ADGRV1: variants seen among roughly 807,000 people sequenced by gnomAD.
ADGRV1 encodes the protein adhesion G protein-coupled receptor V1.
ADGRV1 carries 359 observed loss-of-function variants against 596.2 expected under a neutral mutation model. The observed-to-expected ratio is 0.60, with a 90% CI of 0.55 to 0.66. The LOEUF is 0.66. ADGRV1 is among the 30% of genes least tolerant of loss of function. The probability of loss-of-function intolerance (pLI) is 0.00; values close to 1 mark genes in which losing one functional copy is unlikely to be tolerated. For synonymous variants in ADGRV1, 2,681 were observed against 2,679.2 expected, an observed-to-expected ratio of 1.00 and a Z score of -0.02; for missense variants, 7,274 against 7,575.6, an observed-to-expected ratio of 0.96 and a Z score of 1.48.
rs372079060 is a variant in ADGRV1, at chr5:90,784,021, G to T, written c.13617G>T (p.Val4539=). The change falls in exon 67 of 90, where the codon GTG becomes GTT. Residue 4539 remains valine, a synonymous_variant. Coordinates refer to ENST00000405460, the MANE Select transcript of ADGRV1 (RefSeq NM_032119.4). The part of the protein sequence containing the change: ...NPNSTMILSL[V]LERTGGLLGE... ...ATTCCACAATGATTTTATCACTGGT[G>T]CTGGAGCGGACTGGAGGACTCTTGG... 5.1e-5 allele frequency: 82 copies of T among 1,612,826 alleles called. No homozygotes were observed. In the African/African-American group the frequency reaches 9.6e-4, roughly 19 times the overall value.
intron 50 of ADGRV1, among the ~76,000 whole-genome samples, chr5:90,741,313 A>G (rs1308268719): frequency 6.6e-6 from 1 of 152,080 alleles, no homozygotes; most frequent in African/African-American, 2.4e-5. Context: ...TTCTCTTTAC[A>G]TTGTCAACAC....
chr5:90,695,056 C>A (rs1409999268), intron 33 of ADGRV1, among the ~76,000 whole-genome samples: 1 of 152,070 alleles, frequency 6.6e-6, no homozygotes, highest in Admixed American at 6.6e-5. Context: ...GTACTTACAA[C>A]CATACATGTT....
intron 55 of ADGRV1, among the ~76,000 whole-genome samples, chr5:90,755,973 T>C (rs7707001): frequency 0.056 from 8,456 of 150,886 alleles, 792 homozygotes; most frequent in African/African-American, 0.19. Context: ...ATGAGGGTTT[T>C]CCCCCCCTTT....
intron 78 of ADGRV1, among the ~76,000 whole-genome samples, chr5:90,843,485 T>A (rs1476570372): frequency 1.3e-5 from 2 of 152,192 alleles, no homozygotes; most frequent in African/African-American, 4.8e-5. Context: ...CTGAACCTTA[T>A]CCTAAATTCT....
chr5:90,642,996 G>A lies in ADGRV1; in HGVS notation c.2508G>A (p.Arg836=). ...TACTAGAATTTAAACCTGGAGAAAG[G>A]GAGATAGTGATCACCTTGCTAGCAA... ...TGVLEFKPGE[R]EIVITLLARL... The change falls in exon 13 of 90, where the codon AGG becomes AGA. Residue 836 remains arginine (R), a synonymous_variant. Coordinates refer to ENST00000405460, the MANE Select transcript of ADGRV1 (RefSeq NM_032119.4). 1 of 1,613,524 alleles carries A rather than the reference G, an allele frequency of 6.2e-7. No homozygotes were observed. Among genetic ancestry groups the A allele is most frequent in the Non-Finnish European group, 8.5e-7 (1 of 1,179,570 alleles).
chr5:90,774,441 A>G (rs1240645643), intron 60 of ADGRV1, 138 bp downstream of exon 60: 9 of 588,322 alleles, frequency 1.5e-5, no homozygotes, highest in South Asian at 1.3e-4. Context: ...TTCCACATGT[A>G]TTAAAGGTTA....
At chr5:91,078,027 T>C (rs1789000588) in intron 86 of ADGRV1, among the ~76,000 whole-genome samples, 1 of 152,092 alleles carries the variant, frequency 6.6e-6, no homozygotes, top group South Asian at 2.1e-4. Context: ...ATATGATATA[T>C]GAAAATGGAA....
intron 83 of ADGRV1, among the ~76,000 whole-genome samples, chr5:90,878,312 T>G (rs1191655988): frequency 6.6e-6 from 1 of 152,228 alleles, no homozygotes; most frequent in African/African-American, 2.4e-5. Context: ...TACAAGTGGC[T>G]GCCAAGTTAT....
At chr5:90,815,481 T>A (rs1762804845) in intron 74 of ADGRV1, 138 bp from the exon 75 acceptor site, 1 of 505,094 alleles carries the variant, frequency 2.0e-6, no homozygotes. Flanking sequence ...TTAATAAAGA[T>A]CTTTTAACAA....
chr5:90,744,802 G>T lies in ADGRV1; in HGVS notation c.10550-244G>T, dbSNP rs552222443. On this transcript the variant is annotated intron_variant, in intron 50 of 89. Coordinates refer to ENST00000405460, the MANE Select transcript of ADGRV1 (RefSeq NM_032119.4). Reference sequence around the variant, plus strand: ...TTTAAAATTAGTTTCGGTTTTAGCAGCCAGTAATTTCTTTTTTATTAAATG... The same window carrying T: ...TTTAAAATTAGTTTCGGTTTTAGCATCCAGTAATTTCTTTTTTATTAAATG... Among the ~76,000 whole-genome samples the T allele has an allele frequency of 5.9e-5, 9 of 152,310 alleles. No individual in the cohort carries two copies. The East Asian group carries it at 1.7e-3, about 29-fold the overall frequency.
intron 70 of ADGRV1, chr5:90,791,573 ACTTATTT>A (rs1281820144): frequency 1.9e-6 from 1 of 512,924 alleles, no homozygotes; most frequent in African/African-American, 1.9e-5. Flanking sequence ...AGTAACAGAC[ACTTATTT>A]AATACTTACA....
intron 83 of ADGRV1, among the ~76,000 whole-genome samples, chr5:90,915,198 T>A (rs1029246665): frequency 2.0e-5 from 3 of 152,212 alleles, no homozygotes; most frequent in Non-Finnish European, 1.5e-5. Flanking sequence ...AAAGTAATCA[T>A]AGAAAAGGTA....
chr5:90,785,254 T>G (rs1009383756), intron 67 of ADGRV1, among the ~76,000 whole-genome samples: 1 of 152,098 alleles, frequency 6.6e-6, no homozygotes, highest in Non-Finnish European at 1.5e-5. Flanking sequence ...AAAAATTAAT[T>G]CAAGATGGAT....
intron 42 of ADGRV1, 70 bp from the exon 43 acceptor site, chr5:90,716,397 T>G (rs1750114122): frequency 5.2e-6 from 6 of 1,151,728 alleles, no homozygotes; most frequent in East Asian, 4.9e-5. Flanking sequence ...CAATTAGACA[T>G]CCACACTTTT....
chr5:91,128,550 G>A (rs1413089385), intron 87 of ADGRV1, among the ~76,000 whole-genome samples: 1 of 152,096 alleles, frequency 6.6e-6, no homozygotes, highest in African/African-American at 2.4e-5. Flanking sequence ...TAAATACTTG[G>A]ATGAATGCTA....
At chr5:90,899,181 AT>A (rs1771603075) in intron 83 of ADGRV1, 1 of 152,206 alleles carries the variant, frequency 6.6e-6, no homozygotes, top group African/African-American at 2.4e-5. Context: ...ATGTTTCATG[AT>A]TATACATTGT....
At chr5:90,647,385 AAAGACAC>A in intron 16 of ADGRV1, 106 bp from the exon 17 acceptor site, 1 of 1,064,952 alleles carries the variant, frequency 9.4e-7, no homozygotes, top group Non-Finnish European at 1.3e-6. Flanking sequence ...TTATTTTGGC[AAAGACAC>A]AGTACAAGGC....
chr5:90,958,602 A>G (rs1355244530), intron 83 of ADGRV1, among the ~76,000 whole-genome samples: 1 of 152,018 alleles, frequency 6.6e-6, no homozygotes, highest in Non-Finnish European at 1.5e-5. Flanking sequence ...TTCAGGGTTG[A>G]CTTCATTCTG....
At chr5:90,922,681 A>G (rs950924159) in intron 83 of ADGRV1, among the ~76,000 whole-genome samples, 14 of 152,260 alleles carry the variant, frequency 9.2e-5, no homozygotes, top group African/African-American at 2.6e-4. Flanking sequence ...GCTACTCAGA[A>G]TGTGGTCTGC....
Sources: gnomAD v4.1 joint callset for allele counts (sites outside exome capture counted in the v4.1 genomes callset) on GRCh38, gnomAD v4.1.1 for gene constraint, MANE v1.5 for transcripts, NCBI Gene and HGNC (gene_info 2026-07-23, HGNC 2026-07-21) for gene names.